Variants in CCDC158 observed in about 807,000 individuals in gnomAD.
The protein encoded by CCDC158 is coiled-coil domain containing 158.
CCDC158 carries 116 observed loss-of-function variants against 138.6 expected under a neutral mutation model. The ratio of observed to expected loss-of-function variants is 0.84; its 90% CI spans 0.72 to 0.98. The LOEUF (loss-of-function observed/expected upper bound fraction) is 0.98, where lower values mean the gene tolerates loss of function less well. Among genes scored for constraint, CCDC158 ranks in the 50% least tolerant of loss-of-function variants. The probability of loss-of-function intolerance (pLI) is 0.00; values close to 1 mark genes in which losing one functional copy is unlikely to be tolerated. For missense variants in CCDC158, 1,265 were observed against 1,306.1 expected (o/e 0.97, Z 0.48); for synonymous variants, 436 against 442.4 (o/e 0.99, Z 0.18).
intron 9 of CCDC158, among the ~76,000 whole-genome samples, chr4:76,371,892 C>T (rs1045410204): frequency 2.7e-4 from 39 of 146,800 alleles, no homozygotes; most frequent in East Asian, 4.0e-4. Context: ...GAGTCAAGAT[C>T]GTGCCATTGC....
chr4:76,386,934 A>G lies in CCDC158; in HGVS notation c.289-2269T>C, dbSNP rs937554495. Among the ~76,000 whole-genome samples the G allele has an allele frequency of 1.4e-4, 21 of 152,234 alleles. 1 individual carries two copies. Among genetic ancestry groups the G allele is most frequent in the Admixed American group, 1.3e-3 (20 of 15,292 alleles). On this transcript the variant is annotated intron_variant, in intron 4 of 24. Transcript: ENST00000682701. ...TGGTCAGAACTCGAGTTTCTCAGCA[A>G]GCCTCACCACCACATGCTGAAATGC...
At chr4:76,315,538 T>C (rs748579769) in intron 24 of CCDC158, among the ~76,000 whole-genome samples, 1 of 152,176 alleles carries the variant, frequency 6.6e-6, no homozygotes, top group Non-Finnish European at 1.5e-5. Context: ...ATAGAAATGA[T>C]AGAATAACCC....
chr4:76,367,733 G>C lies in CCDC158; in HGVS notation c.1391C>G (p.Ser464Cys), dbSNP rs1289426941. ...QGKNESLEKV[S>C]SLTAQLESTK... ...GGATTCAAGCTGAGCAGTCAAGGAGGATACTTTTTCTAGACTTTCATTCTT... is the reference window on the plus strand; with the variant it reads ...GGATTCAAGCTGAGCAGTCAAGGAGCATACTTTTTCTAGACTTTCATTCTT... Residue 464 changes from serine to cysteine, a missense_variant, in exon 12 of 25, where the codon TCC becomes TGC. Ser to Cys is a moderately radical substitution (Grantham distance 112, BLOSUM62 -1). Transcript: ENST00000682701. 1.9e-6 allele frequency: 3 copies of C among 1,608,322 alleles called. No individual in the cohort carries two copies. Among genetic ancestry groups the C allele is most frequent in the African/African-American group, 2.7e-5 (2 of 74,658 alleles).
intron 18 of CCDC158, among the ~76,000 whole-genome samples, chr4:76,347,896 C>T (rs543971022): frequency 9.9e-5 from 15 of 152,062 alleles, no homozygotes; most frequent in African/African-American, 2.7e-4. Context: ...TTATCATGTG[C>T]CAATTTTTAA....
intron 24 of CCDC158, among the ~76,000 whole-genome samples, chr4:76,316,053 G>T (rs1329757123): frequency 6.6e-6 from 1 of 152,078 alleles, no homozygotes; most frequent in Non-Finnish European, 1.5e-5. Context: ...ACAAAACAAG[G>T]TTTGATAACA....
chr4:76,335,370 C>G (rs954571883), intron 18 of CCDC158, among the ~76,000 whole-genome samples: 1 of 152,098 alleles, frequency 6.6e-6, no homozygotes, highest in African/African-American at 2.4e-5. Flanking sequence ...TAGTTATAAC[C>G]TGGACTTCTT....
chr4:76,366,928 G>A (rs1204721846), intron 12 of CCDC158, among the ~76,000 whole-genome samples: 9 of 151,884 alleles, frequency 5.9e-5, no homozygotes, highest in East Asian at 5.8e-4. Flanking sequence ...ATCAGATATC[G>A]AAGCCAAGAT....
chr4:76,396,316 C>T lies in CCDC158; in HGVS notation c.241G>A (p.Glu81Lys), dbSNP rs778944794. The T allele has an allele frequency of 1.9e-6, 3 of 1,613,878 alleles. 1 individual carries two copies. Among genetic ancestry groups the T allele is most frequent in the South Asian group, 2.2e-5 (2 of 91,032 alleles). Residue 81 changes from glutamate to lysine, a missense_variant, in exon 4 of 25, where the codon GAA (glutamate) becomes AAA (lysine). Glu to Lys is a moderately conservative substitution (Grantham distance 56). Transcript: ENST00000682701. ...TCTTTGACTTGATGTGAATATTCTTCCAAAACACGTTCAAAGTGTTCCTTT... is the reference window on the plus strand; with the variant it reads ...TCTTTGACTTGATGTGAATATTCTTTCAAAACACGTTCAAAGTGTTCCTTT... Reference protein sequence around the residue: ...PGKEHFERVLEEYSHQVKDLQ... With the variant: ...PGKEHFERVLKEYSHQVKDLQ...
intron 18 of CCDC158, among the ~76,000 whole-genome samples, chr4:76,337,666 A>T (rs1469633117): frequency 6.6e-6 from 1 of 152,072 alleles, no homozygotes; most frequent in Non-Finnish European, 1.5e-5. Flanking sequence ...CAGGAGGCAG[A>T]GGTTGCAGTG....
intron 1 of CCDC158, among the ~76,000 whole-genome samples, chr4:76,420,560 G>A (rs889587323): frequency 4.6e-5 from 7 of 152,158 alleles, no homozygotes; most frequent in Non-Finnish European, 7.4e-5. Flanking sequence ...CCCTTGCGCC[G>A]GCATTTAACA....
intron 4 of CCDC158, among the ~76,000 whole-genome samples, chr4:76,389,861 T>G (rs1579057540): frequency 6.6e-6 from 1 of 152,224 alleles, no homozygotes; most frequent in South Asian, 2.1e-4. Flanking sequence ...GTATATCTGG[T>G]GAAAATATCC....
intron 1 of CCDC158, among the ~76,000 whole-genome samples, chr4:76,419,760 G>A (rs549002057): frequency 1.3e-4 from 19 of 151,228 alleles, no homozygotes; most frequent in Non-Finnish European, 4.4e-5. Context: ...ACTTAATCAC[G>A]TATGCAAAGG....
chr4:76,375,656 G>A (rs928283615), intron 9 of CCDC158: 1 of 700,642 alleles, frequency 1.4e-6, no homozygotes, highest in Non-Finnish European at 2.6e-6. Flanking sequence ...AGCCAATAGT[G>A]ACAGCTTCTA....
chr4:76,420,588 C>T (rs1375017662), intron 1 of CCDC158, among the ~76,000 whole-genome samples: 3 of 152,202 alleles, frequency 2.0e-5, no homozygotes, highest in Non-Finnish European at 4.4e-5. Flanking sequence ...GTCTTGGATG[C>T]GAGGCTGTCC....
At chr4:76,362,572 C>T (rs569939642) in intron 12 of CCDC158, among the ~76,000 whole-genome samples, 1 of 152,284 alleles carries the variant, frequency 6.6e-6, no homozygotes, top group South Asian at 2.1e-4. Context: ...GATGTCAATT[C>T]CTAGTATTGC....
At chr4:76,382,499 C>T (rs945673918) in intron 8 of CCDC158, 111 bp downstream of exon 8, 1 of 659,312 alleles carries the variant, frequency 1.5e-6, no homozygotes, top group Middle Eastern at 3.2e-4. Context: ...AAATGTTTCA[C>T]TTTCTTATGA....
At chr4:76,382,459 T>C (rs1037553206) in intron 8 of CCDC158, 151 bp downstream of exon 8, 5 of 601,666 alleles carry the variant, frequency 8.3e-6, no homozygotes, top group Non-Finnish European at 1.5e-5. Context: ...CTATGTTACA[T>C]AATACTTCCT....
intron 3 of CCDC158, chr4:76,401,452 G>T: frequency 2.5e-6 from 1 of 399,468 alleles, no homozygotes; most frequent in Non-Finnish European, 4.9e-6. Flanking sequence ...AGATTGTGCT[G>T]AGGCCTTGAG....
chr4:76,373,382 C>T (rs926005366), intron 9 of CCDC158, among the ~76,000 whole-genome samples: 1 of 152,190 alleles, frequency 6.6e-6, no homozygotes, highest in African/African-American at 2.4e-5. Flanking sequence ...TCTTTCATGT[C>T]TGCATAAATG....
Sources: gnomAD v4.1 joint callset for allele counts (sites outside exome capture counted in the v4.1 genomes callset) on GRCh38, gnomAD v4.1.1 for gene constraint, MANE v1.5 for transcripts, NCBI Gene and HGNC (gene_info 2026-07-23, HGNC 2026-07-21) for gene names.